ENTREP3: variants seen among roughly 807,000 people sequenced by gnomAD.
ENTREP3 encodes protein ENTREP3.
At chr1:155,249,906 A>C in the ENTREP3 span, among the ~76,000 whole-genome samples, 1 of 147,432 alleles carries the variant, frequency 6.8e-6, no homozygotes, top group African/African-American at 2.5e-5. Context: ...AAAAAAAAAA[A>C]TATTAGCCGG....
chr1:155,247,948 C>T, the ENTREP3 span: 1,122 of 1,602,798 alleles, frequency 7.0e-4, 7 homozygotes, highest in East Asian at 0.021. Context: ...CCACAGGCTC[C>T]GGGGCACCTG....
chr1:155,248,062 A>G, the ENTREP3 span: 1 of 1,614,236 alleles, frequency 6.2e-7, no homozygotes, highest in East Asian at 2.2e-5. Flanking sequence ...GCTTATGTCC[A>G]TGAGCTCCAG....
chr1:155,254,706 C>T, the ENTREP3 span: 28 of 1,611,232 alleles, frequency 1.7e-5, no homozygotes, highest in African/African-American at 1.5e-4. The surrounding 1 kb of genome is among the most constrained non-coding windows in gnomAD (Gnocchi z 4.4). Flanking sequence ...GTGGTGGTGA[C>T]GGAAGAGGCC....
the ENTREP3 span, chr1:155,254,522 G>A: frequency 6.3e-7 from 1 of 1,587,490 alleles, no homozygotes; most frequent in East Asian, 2.2e-5. This position sits in a 1 kb window ranked among gnomAD's most constrained non-coding sequence, Gnocchi z 4.4. Context: ...CCTCACCACA[G>A]GATGCACCCA....
At chr1:155,250,459 C>G in the ENTREP3 span, 5 of 1,475,682 alleles carry the variant, frequency 3.4e-6, no homozygotes, top group Non-Finnish European at 4.5e-6. This position sits in a 1 kb window ranked among gnomAD's most constrained non-coding sequence, Gnocchi z 5.4. Flanking sequence ...CCCCGGGGGA[C>G]CCGCCGCCTC....
At chr1:155,248,478 G>A in the ENTREP3 span, 2 of 1,613,178 alleles carry the variant, frequency 1.2e-6, no homozygotes, top group East Asian at 2.2e-5. Flanking sequence ...AGTCAGCTGG[G>A]GAGAAGAGAG....
chr1:155,247,541 T>C, the ENTREP3 span: 3 of 706,710 alleles, frequency 4.2e-6, no homozygotes, highest in African/African-American at 5.2e-5. Flanking sequence ...TCCAGTGCTA[T>C]AAGAAGGGGC....
the ENTREP3 span, chr1:155,252,754 G>A: frequency 5.2e-5 from 3 of 57,262 alleles, no homozygotes; most frequent in Non-Finnish European, 9.5e-5. Context: ...TTTTTGAGAC[G>A]GAGTCTTGCT....
the ENTREP3 span, chr1:155,254,489 C>T: frequency 3.7e-4 from 598 of 1,613,408 alleles, 2 homozygotes; most frequent in African/African-American, 7.0e-3. This position sits in a 1 kb window ranked among gnomAD's most constrained non-coding sequence, Gnocchi z 4.4. Flanking sequence ...CTCAGCCTGG[C>T]AGGGGAGGCT....
chr1:155,252,574 T>C, the ENTREP3 span, among the ~76,000 whole-genome samples: 1 of 145,672 alleles, frequency 6.9e-6, no homozygotes, highest in East Asian at 2.1e-4. Flanking sequence ...TTCGCCATGT[T>C]GGCCAGGCTG....
the ENTREP3 span, chr1:155,253,819 G>A: frequency 6.2e-7 from 1 of 1,610,576 alleles, no homozygotes; most frequent in Non-Finnish European, 8.5e-7. Context: ...GGGGAGGCAA[G>A]AGTGAGAACC....
At chr1:155,248,421 A>C in the ENTREP3 span, 6 of 1,613,850 alleles carry the variant, frequency 3.7e-6, no homozygotes, top group African/African-American at 8.0e-5. Context: ...CTGCAGAGGA[A>C]ACAGAAGCAG....
chr1:155,247,755 T>G, the ENTREP3 span: 25 of 1,457,882 alleles, frequency 1.7e-5, no homozygotes, highest in Non-Finnish European at 5.4e-6. Flanking sequence ...TGTGGCTGGA[T>G]GTGTTCAGTG....
chr1:155,253,898 G>A, the ENTREP3 span: 9 of 1,612,828 alleles, frequency 5.6e-6, no homozygotes, highest in South Asian at 7.7e-5. Context: ...TGGAGTTAGG[G>A]GCAACTTTCA....
the ENTREP3 span, chr1:155,251,408 C>T: frequency 1.1e-6 from 1 of 914,254 alleles, no homozygotes; most frequent in Non-Finnish European, 1.7e-6. Flanking sequence ...ACCTTGACCA[C>T]TGTTACTATC....
chr1:155,254,241 C>T, the ENTREP3 span: 6 of 1,523,682 alleles, frequency 3.9e-6, no homozygotes, highest in East Asian at 1.1e-4. This position sits in a 1 kb window ranked among gnomAD's most constrained non-coding sequence, Gnocchi z 4.4. Flanking sequence ...CTCATGAGTA[C>T]TCCTCTGCCA....
At chr1:155,252,258 C>T in the ENTREP3 span, among the ~76,000 whole-genome samples, 4 of 151,764 alleles carry the variant, frequency 2.6e-5, no homozygotes, top group South Asian at 2.1e-4. Flanking sequence ...AGTGCAGTGG[C>T]GCGATCTCAG....
At chr1:155,253,657 T>C in the ENTREP3 span, 2 of 1,614,070 alleles carry the variant, frequency 1.2e-6, no homozygotes, top group African/African-American at 2.7e-5. Flanking sequence ...AAGATTTGGA[T>C]GCAGCAGACA....
the ENTREP3 span, chr1:155,250,793 C>T: frequency 5.0e-6 from 8 of 1,608,988 alleles, no homozygotes; most frequent in Admixed American, 1.3e-4. The surrounding 1 kb of genome is among the most constrained non-coding windows in gnomAD (Gnocchi z 5.4). Context: ...CAATGGCTGA[C>T]AGCACCAGAG....
Sources: allele counts gnomAD v4.1 joint callset (sites outside exome capture counted in the v4.1 genomes callset), GRCh38; gene constraint gnomAD v4.1.1; non-coding constraint Gnocchi (gnomAD v3.1); transcripts MANE v1.5; gene names NCBI Gene and HGNC (gene_info 2026-07-23, HGNC 2026-07-21).